KATNAL1: variants seen among roughly 807,000 people sequenced by gnomAD.
The protein encoded by KATNAL1 is katanin catalytic subunit A1 like 1, also known as katanin p60 ATPase-containing subunit A-like 1.
In KATNAL1, 32 loss-of-function variants were observed where a neutral mutation model predicts 55.2. The observed-to-expected ratio is 0.58, with a 90% confidence interval of 0.44 to 0.78. The LOEUF is 0.78. KATNAL1 is among the 30% of genes least tolerant of loss of function. The probability of loss-of-function intolerance (pLI) is 0.00; values close to 1 mark genes in which losing one functional copy is unlikely to be tolerated. For missense variants in KATNAL1, 466 were observed against 600.9 expected (o/e 0.78, Z 2.35); for synonymous variants, 193 against 193.6 (o/e 1.00, Z 0.02).
In KATNAL1 at chr13:30,206,892, T is replaced by A. The variant is rs1290258615; in HGVS notation, c.*1648A>T. On this transcript the variant is annotated 3_prime_UTR_variant, in exon 11 of 11. Coordinates refer to ENST00000380615, the MANE Select transcript of KATNAL1 (RefSeq NM_032116.5). ...GAATTCAATTACAATAAAATCATGATGTCTTATGATCTGGCATCTTATAAT... is the reference window on the plus strand; with the variant it reads ...GAATTCAATTACAATAAAATCATGAAGTCTTATGATCTGGCATCTTATAAT... The A allele has an allele frequency of 6.6e-6, 1 of 152,174 alleles. No homozygotes were observed. The highest frequency in any genetic ancestry group is 1.9e-4 in the East Asian group (1 of 5,194). 9.4% of individuals were successfully genotyped at this position (152,174 alleles called of 1,614,324 possible).
In KATNAL1 at chr13:30,297,876, G is replaced by T. The variant is rs112156969; in HGVS notation, c.-15+9455C>A. On this transcript the variant is annotated intron_variant, in intron 1 of 10. Transcript: ENST00000380615. ...ACTGGAAACTAATAGAGGTGGGAGG[G>T]AGGCAGGCAAGAGTTGGAAAACTAT... is the stretch of plus-strand genomic sequence containing the variant. Among the ~76,000 whole-genome samples the T allele has an allele frequency of 3.2e-3, 492 of 152,220 alleles. 2 individuals carry two copies. The highest frequency in any genetic ancestry group is 4.2e-3 in the Non-Finnish European group (287 of 67,992).
intron 4 of KATNAL1, among the ~76,000 whole-genome samples, chr13:30,254,801 A>G (rs1239492624): frequency 6.6e-6 from 1 of 152,196 alleles, no homozygotes; most frequent in East Asian, 1.9e-4. Flanking sequence ...TACTAAAATT[A>G]AGGCCTAAGA....
intron 3 of KATNAL1, among the ~76,000 whole-genome samples, chr13:30,270,765 C>T (rs568457902): frequency 4.6e-5 from 7 of 151,322 alleles, no homozygotes; most frequent in African/African-American, 1.7e-4. Flanking sequence ...CCCAGGGACA[C>T]AAACACTGCG....
At chr13:30,233,015 T>C (rs1381848913) in intron 6 of KATNAL1, among the ~76,000 whole-genome samples, 2 of 152,096 alleles carry the variant, frequency 1.3e-5, no homozygotes, top group Non-Finnish European at 2.9e-5. Flanking sequence ...ATGAAACTGC[T>C]AGAAGAAAAC....
chr13:30,238,206 T>C (rs17689523), intron 6 of KATNAL1, among the ~76,000 whole-genome samples: 10,551 of 152,238 alleles, frequency 0.069, 659 homozygotes, highest in East Asian at 0.18. Flanking sequence ...TACCTTCCCA[T>C]TTGAATCTTC....
intron 1 of KATNAL1, among the ~76,000 whole-genome samples, chr13:30,298,940 AC>A (rs1305766189): frequency 6.6e-6 from 1 of 152,190 alleles, no homozygotes; most frequent in Non-Finnish European, 1.5e-5. Context: ...TCCAAAACTA[AC>A]AGAAGACAAT....
At chr13:30,262,481 TAAAG>T (rs998744924) in intron 3 of KATNAL1, among the ~76,000 whole-genome samples, 16 of 151,760 alleles carry the variant, frequency 1.1e-4, no homozygotes, top group Admixed American at 1.1e-3. Context: ...GCAAGACTGA[TAAAG>T]AAGAAAAGAG....
intron 3 of KATNAL1, among the ~76,000 whole-genome samples, chr13:30,270,269 C>A (rs1367072824): frequency 7.0e-6 from 1 of 143,750 alleles, no homozygotes; most frequent in Admixed American, 6.9e-5. Context: ...GCCCCCCCGC[C>A]CGGCCAGCCA....
chr13:30,261,922 T>C (rs1383127888), intron 3 of KATNAL1, among the ~76,000 whole-genome samples: 2 of 152,140 alleles, frequency 1.3e-5, no homozygotes, highest in Non-Finnish European at 2.9e-5. Flanking sequence ...TACATTTTTT[T>C]CAGCACCACA....
chr13:30,277,620 A>C (rs1880940202), intron 3 of KATNAL1, among the ~76,000 whole-genome samples: 2 of 152,212 alleles, frequency 1.3e-5, no homozygotes, highest in South Asian at 4.1e-4. Context: ...ATAACCTTTA[A>C]GTCTAAATTT....
intron 9 of KATNAL1, among the ~76,000 whole-genome samples, chr13:30,212,223 T>C (rs1048313397): frequency 5.9e-5 from 9 of 152,182 alleles, no homozygotes; most frequent in East Asian, 1.9e-4. Flanking sequence ...GGAACTTCTA[T>C]TCATCAAAAG....
intron 3 of KATNAL1, among the ~76,000 whole-genome samples, chr13:30,274,878 T>C (rs1016394124): frequency 2.1e-5 from 3 of 144,962 alleles, no homozygotes; most frequent in African/African-American, 5.1e-5. Context: ...GGGCGGGGTG[T>C]GTGCACACAC....
At chr13:30,269,063 C>T (rs1880009014) in intron 3 of KATNAL1, among the ~76,000 whole-genome samples, 1 of 152,018 alleles carries the variant, frequency 6.6e-6, no homozygotes, top group African/African-American at 2.4e-5. Context: ...GCTCCCTCTC[C>T]CTCTCCCCCT....
chr13:30,216,370 C>T (rs1874232317), intron 9 of KATNAL1, among the ~76,000 whole-genome samples: 1 of 152,070 alleles, frequency 6.6e-6, no homozygotes, highest in African/African-American at 2.4e-5. Flanking sequence ...TCTCCTGGAG[C>T]GGGTAACAGG....
intron 1 of KATNAL1, among the ~76,000 whole-genome samples, chr13:30,304,598 T>C (rs917890757): frequency 6.6e-6 from 1 of 152,100 alleles, no homozygotes; most frequent in Non-Finnish European, 1.5e-5. Context: ...GAGTTCCATA[T>C]CCAAACCTCT....
At chr13:30,287,654 C>T (rs1365289046) in intron 1 of KATNAL1, among the ~76,000 whole-genome samples, 2 of 152,146 alleles carry the variant, frequency 1.3e-5, no homozygotes, top group African/African-American at 2.4e-5. Flanking sequence ...AAATTTAGAA[C>T]ATTAACACGA....
chr13:30,214,620 A>G (rs11619024), intron 9 of KATNAL1, among the ~76,000 whole-genome samples: 7,121 of 152,184 alleles, frequency 0.047, 246 homozygotes, highest in African/African-American at 0.092. Context: ...ATAATGCCGC[A>G]TATCTACAAC....
rs993228713 is a variant in KATNAL1 at position 30,227,359 on chromosome 13, T to C, written c.1147+53A>G. 4 of 1,554,412 alleles carry C rather than the reference T, an allele frequency of 2.6e-6. No homozygotes were observed. The African/African-American group carries it at 4.1e-5, about 16-fold the overall frequency. Reference sequence around the variant, plus strand: ...GCAATGGAATAAAGATTTAGATACATGGGAAAGGTAACAAAAAGTAACAGA... The same window carrying C: ...GCAATGGAATAAAGATTTAGATACACGGGAAAGGTAACAAAAAGTAACAGA... On this transcript the variant is annotated intron_variant, in intron 9 of 10. Transcript: ENST00000380615.
chr13:30,255,369 A>G, intron 4 of KATNAL1, 78 bp downstream of exon 4: 1 of 1,224,142 alleles, frequency 8.2e-7, no homozygotes, highest in Non-Finnish European at 1.1e-6. Context: ...GGGTATCTTG[A>G]AAAGCCAACA....
Sources: gnomAD v4.1 joint callset for allele counts (sites outside exome capture counted in the v4.1 genomes callset) on GRCh38, gnomAD v4.1.1 for gene constraint, MANE v1.5 for transcripts, NCBI Gene and HGNC (gene_info 2026-07-23, HGNC 2026-07-21) for gene names.